Variants in SV2C observed in about 807,000 individuals in gnomAD.
SV2C encodes the protein solute carrier family 22 member B3.
Under a neutral mutation model 79.7 loss-of-function variants are expected in SV2C, and 49 were observed. The ratio of observed to expected loss-of-function variants is 0.61; its 90% confidence interval spans 0.49 to 0.78. The LOEUF (loss-of-function observed/expected upper bound fraction) is 0.78. SV2C is among the 30% of genes least tolerant of loss of function. The pLI is 0.00. For synonymous variants in SV2C, 334 were observed against 333.2 expected (o/e 1.00, Z -0.03); for missense variants, 833 against 912.9 (o/e 0.91, Z 1.13).
At chr5:75,887,962 A>T in the SV2C span, among the ~76,000 whole-genome samples, 1 of 152,218 alleles carries the variant, frequency 6.6e-6, no homozygotes, top group African/African-American at 2.4e-5. Context: ...CTGTAGCCAA[A>T]GCTGAGACTG....
the SV2C span, among the ~76,000 whole-genome samples, chr5:75,889,831 G>C: frequency 6.6e-6 from 1 of 152,112 alleles, no homozygotes; most frequent in African/African-American, 2.4e-5. Context: ...GAAGCTTGAA[G>C]CTTGTCCAAG....
At chr5:75,869,306 C>A in the SV2C span, among the ~76,000 whole-genome samples, 1 of 152,176 alleles carries the variant, frequency 6.6e-6, no homozygotes, top group Admixed American at 6.5e-5. Flanking sequence ...GGTGAGGCAG[C>A]ATTCACCATA....
rs753140281 is a variant in SV2C at position 76,209,851 on chromosome 5, G to T, written c.877G>T (p.Ala293Ser). 1 of 1,614,070 alleles carries T rather than the reference G, an allele frequency of 6.2e-7. No homozygotes were observed. Among genetic ancestry groups the T allele is most frequent in the Non-Finnish European group, 8.5e-7 (1 of 1,179,982 alleles). ...GTTCTGGATGATCGGTGGCATCTACGCCTCTGCCATGGCCTGGGCCATCAT... is the reference window on the plus strand; with the variant it reads ...GTTCTGGATGATCGGTGGCATCTACTCCTCTGCCATGGCCTGGGCCATCAT... ...CMFWMIGGIY[A>S]SAMAWAIIPH... The change falls in exon 4 of 13, where the codon GCC becomes TCC. Residue 293 changes from alanine to serine, a missense_variant. Ala to Ser is a moderately conservative substitution (Grantham distance 99, BLOSUM62 1). Transcript: ENST00000502798.
At chr5:75,950,525 G>T in the SV2C span, among the ~76,000 whole-genome samples, 4 of 151,914 alleles carry the variant, frequency 2.6e-5, no homozygotes, top group Admixed American at 2.6e-4. Flanking sequence ...TCCTTGAGAT[G>T]GCTAAATACT....
At chr5:76,321,998 C>T (rs180869323) in intron 12 of SV2C, among the ~76,000 whole-genome samples, 2 of 152,170 alleles carry the variant, frequency 1.3e-5, no homozygotes, top group Admixed American at 6.5e-5. Flanking sequence ...GCTCAGTATT[C>T]GGTTTCTGCC....
intron 2 of SV2C, among the ~76,000 whole-genome samples, chr5:76,159,517 G>T (rs1308821735): frequency 6.6e-6 from 1 of 152,030 alleles, no homozygotes; most frequent in African/African-American, 2.4e-5. Context: ...CAGTTACAGG[G>T]GCTAGAAGTC....
At chr5:76,345,943 T>C (rs972500489) in intron 12 of SV2C, among the ~76,000 whole-genome samples, 1 of 152,132 alleles carries the variant, frequency 6.6e-6, no homozygotes, top group Non-Finnish European at 1.5e-5. Context: ...ACCTAATGCA[T>C]GAAACCACTC....
At chr5:75,985,113 T>G in the SV2C span, among the ~76,000 whole-genome samples, 1 of 151,582 alleles carries the variant, frequency 6.6e-6, no homozygotes, top group South Asian at 2.1e-4. Context: ...CTTCAACTCA[T>G]GAAGGCAAGC....
chr5:76,146,722 G>A (rs370408204), intron 2 of SV2C, among the ~76,000 whole-genome samples: 3 of 141,898 alleles, frequency 2.1e-5, no homozygotes, highest in African/African-American at 7.8e-5. Context: ...AGTTGCTCTG[G>A]TTCAAATGTC....
In SV2C at chr5:76,325,963, G is replaced by A. The variant is rs1480526578; in HGVS notation, c.*416G>A. Reference sequence around the variant, plus strand: ...GTCGGCACATTATTGCATTTGTGCTGAGAAGAGGGATTCTTTTTTTTTTTT... The same window carrying A: ...GTCGGCACATTATTGCATTTGTGCTAAGAAGAGGGATTCTTTTTTTTTTTT... On this transcript the variant is annotated 3_prime_UTR_variant, in exon 13 of 13. Coordinates refer to ENST00000502798, the MANE Select transcript of SV2C (RefSeq NM_014979.4). 1 of 153,778 alleles carries A rather than the reference G, an allele frequency of 6.5e-6. No homozygotes were observed. The highest frequency in any genetic ancestry group is 2.5e-5 in the African/African-American group (1 of 40,246). The allele number at this position is 153,778 out of a possible 1,614,324, so 9.5% of individuals were successfully genotyped here.
chr5:75,874,274 C>G, the SV2C span, among the ~76,000 whole-genome samples: 6 of 152,044 alleles, frequency 3.9e-5, no homozygotes, highest in African/African-American at 1.4e-4. Context: ...AAATGTGATT[C>G]ATCACATAAA....
chr5:76,123,575 A>G (rs1748607831), intron 1 of SV2C, among the ~76,000 whole-genome samples: 1 of 152,250 alleles, frequency 6.6e-6, no homozygotes, highest in Admixed American at 6.5e-5. Context: ...GTTTCAATAT[A>G]TGCAAATCAA....
chr5:75,967,529 G>A, the SV2C span, among the ~76,000 whole-genome samples: 384 of 152,234 alleles, frequency 2.5e-3, 2 homozygotes, highest in East Asian at 0.024. Flanking sequence ...TTTATATCCC[G>A]CACATGGCTC....
At chr5:75,934,330 G>A in the SV2C span, among the ~76,000 whole-genome samples, 1 of 103,446 alleles carries the variant, frequency 9.7e-6, no homozygotes, top group African/African-American at 5.2e-5. Context: ...CACTGTCGCT[G>A]GGCTGGAGTG....
chr5:75,985,048 T>C, the SV2C span, among the ~76,000 whole-genome samples: 1 of 151,992 alleles, frequency 6.6e-6, no homozygotes, highest in South Asian at 2.1e-4. Context: ...CTCATGATTC[T>C]GGTGGCTGGA....
the SV2C span, among the ~76,000 whole-genome samples, chr5:75,972,322 C>T: frequency 6.6e-5 from 10 of 152,030 alleles, no homozygotes; most frequent in Non-Finnish European, 2.9e-5. Context: ...CCAAAATTGA[C>T]AAATGGGATC....
rs554663362 is a variant in SV2C at position 76,196,650 on chromosome 5, C to T, written c.761+1551C>T. 4.6e-5 allele frequency among the ~76,000 whole-genome samples: 7 copies of T among 152,288 alleles called. No individual in the cohort carries two copies. The East Asian group carries it at 1.4e-3, about 29-fold the overall frequency. On this transcript the variant is annotated intron_variant, in intron 3 of 12. Transcript: ENST00000502798. ...TTGCCACCAGGAAAGGCCAAGCTTC[C>T]TTCTCCCTTTTATTATCTATAATAA...
the SV2C span, among the ~76,000 whole-genome samples, chr5:75,899,199 G>A: frequency 2.0e-5 from 3 of 152,048 alleles, no homozygotes; most frequent in African/African-American, 4.8e-5. Flanking sequence ...TTCTCTTGTG[G>A]GCATTTAGTG....
chr5:76,215,319 G>C (rs571658014), intron 4 of SV2C, among the ~76,000 whole-genome samples: 2 of 152,002 alleles, frequency 1.3e-5, no homozygotes, highest in African/African-American at 2.4e-5. Context: ...GGGTGGGAGT[G>C]GGGGGATGTG....
Sources: allele counts gnomAD v4.1 joint callset (sites outside exome capture counted in the v4.1 genomes callset), GRCh38; gene constraint gnomAD v4.1.1; transcripts MANE v1.5; gene names NCBI Gene and HGNC (gene_info 2026-07-23, HGNC 2026-07-21).